Variants in ITFG1 observed in about 807,000 individuals in gnomAD.
The protein encoded by ITFG1 is T-cell immunomodulatory protein.
A neutral mutation model predicts 81.8 loss-of-function variants in ITFG1; 34 were observed. The ratio of observed to expected loss-of-function variants is 0.42; its 90% CI spans 0.32 to 0.55. ITFG1 has a LOEUF of 0.55. Ranked by LOEUF, ITFG1 falls within the 20% of genes least tolerant of loss-of-function variation. The probability of loss-of-function intolerance (pLI) is 0.17; values close to 1 mark genes in which losing one functional copy is unlikely to be tolerated. For synonymous variants in ITFG1, 285 were observed against 270.6 expected (o/e 1.05, Z -0.52); for missense variants, 672 against 755.4 (o/e 0.89, Z 1.29).
At chr16:47,392,746 C>T (rs1468882301) in intron 6 of ITFG1, among the ~76,000 whole-genome samples, 1 of 152,198 alleles carries the variant, frequency 6.6e-6, no homozygotes, top group East Asian at 1.9e-4. Context: ...TAACACAATG[C>T]TCTGTTGTAA....
At chr16:47,286,798 T>C (rs551053770) in intron 10 of ITFG1, among the ~76,000 whole-genome samples, 1 of 152,288 alleles carries the variant, frequency 6.6e-6, no homozygotes, top group African/African-American at 2.4e-5. Flanking sequence ...TGAGCTTTGA[T>C]ACATTATACA....
chr16:47,382,113 T>C (rs1446766435), intron 6 of ITFG1, among the ~76,000 whole-genome samples: 2 of 152,184 alleles, frequency 1.3e-5, no homozygotes, highest in Non-Finnish European at 2.9e-5. Context: ...ACTTTTGAAA[T>C]ACTGAAACTT....
At chr16:47,261,909 G>GTGATCTTCC (rs532674536) in intron 10 of ITFG1, among the ~76,000 whole-genome samples, 202 of 152,370 alleles carry the variant, frequency 1.3e-3, no homozygotes, top group African/African-American at 4.6e-3. Context: ...CTGAGCTCAA[G>GTGATCTTCC]TGATCTTCCT....
intron 6 of ITFG1, among the ~76,000 whole-genome samples, chr16:47,413,247 T>C (rs1011912801): frequency 6.6e-6 from 1 of 152,180 alleles, no homozygotes. Flanking sequence ...AATTTGATAT[T>C]CTGCCAAACA....
intron 8 of ITFG1, among the ~76,000 whole-genome samples, chr16:47,327,786 C>T (rs1385903688): frequency 1.3e-5 from 2 of 152,156 alleles, no homozygotes; most frequent in Admixed American, 1.3e-4. Flanking sequence ...TACCATCTCA[C>T]ACCAGTTAGA....
chr16:47,419,421 A>C (rs1968914578), intron 6 of ITFG1, among the ~76,000 whole-genome samples: 1 of 151,778 alleles, frequency 6.6e-6, no homozygotes, highest in African/African-American at 2.4e-5. Context: ...AGAGCATGCC[A>C]CCAAGTCCAG....
chr16:47,448,588 G>A (rs186464878), intron 5 of ITFG1: 1 of 148,548 alleles, frequency 6.7e-6, no homozygotes, highest in Non-Finnish European at 1.5e-5. Context: ...TTTGAACTCA[G>A]TACGTGAGTC....
chr16:47,336,871 A>G (rs1279891348), intron 8 of ITFG1, among the ~76,000 whole-genome samples: 1 of 151,258 alleles, frequency 6.6e-6, no homozygotes, highest in African/African-American at 2.4e-5. Context: ...GCTGAGGGAG[A>G]AGAATTGTCT....
At chr16:47,406,638 T>C (rs1329784751) in intron 6 of ITFG1, among the ~76,000 whole-genome samples, 1 of 152,106 alleles carries the variant, frequency 6.6e-6, no homozygotes, top group East Asian at 1.9e-4. Context: ...GAAGAAACAA[T>C]CTATGCCCTC....
chr16:47,424,363 G>A lies in ITFG1; in HGVS notation c.655+4441C>T, dbSNP rs184998164. On this transcript the variant is annotated intron_variant, in intron 6 of 17. Coordinates refer to ENST00000320640, the MANE Select transcript of ITFG1 (RefSeq NM_030790.5). ...TTTTCAAGGTTTTTAGCTTCCTTGC[G>A]ATGGGTTAGAACACACTCCTTTAGC... Among the ~76,000 whole-genome samples, 25 of 152,180 alleles carry A rather than the reference G, an allele frequency of 1.6e-4. No individual in the cohort carries two copies. The East Asian group carries it at 4.1e-3, about 25-fold the overall frequency.
chr16:47,435,505 C>T (rs1288614312), intron 5 of ITFG1, among the ~76,000 whole-genome samples: 3 of 152,332 alleles, frequency 2.0e-5, no homozygotes, highest in African/African-American at 7.2e-5. Context: ...TGGGCATCAT[C>T]ACCCTTAATC....
intron 6 of ITFG1, among the ~76,000 whole-genome samples, chr16:47,399,668 A>G (rs1056781971): frequency 1.3e-5 from 2 of 152,170 alleles, no homozygotes; most frequent in Non-Finnish European, 2.9e-5. Flanking sequence ...ATACACTTAT[A>G]AAGCATATTT....
intron 6 of ITFG1, among the ~76,000 whole-genome samples, chr16:47,409,261 G>T (rs1236815518): frequency 1.4e-5 from 2 of 146,896 alleles, no homozygotes; most frequent in Admixed American, 6.8e-5. Flanking sequence ...GAATCCTCAG[G>T]GTCATCAAAA....
intron 8 of ITFG1, among the ~76,000 whole-genome samples, chr16:47,336,820 G>A (rs754219793): frequency 1.3e-4 from 20 of 152,048 alleles, no homozygotes; most frequent in South Asian, 2.1e-4. Context: ...AAAATTAGCC[G>A]GGCATGGTGA....
At chr16:47,411,029 TTCAAG>T (rs1190487367) in intron 6 of ITFG1, among the ~76,000 whole-genome samples, 1 of 152,020 alleles carries the variant, frequency 6.6e-6, no homozygotes, top group Non-Finnish European at 1.5e-5. Context: ...CGCTGAGCAG[TTCAAG>T]TGCTTTGCTG....
intron 10 of ITFG1, among the ~76,000 whole-genome samples, chr16:47,274,232 G>C (rs1966374331): frequency 6.6e-6 from 1 of 152,004 alleles, no homozygotes. Flanking sequence ...ACTCCAGCCT[G>C]GGGGACAGAG....
intron 6 of ITFG1, among the ~76,000 whole-genome samples, chr16:47,427,186 C>T (rs1433523510): frequency 6.6e-6 from 1 of 152,164 alleles, no homozygotes; most frequent in Non-Finnish European, 1.5e-5. Context: ...ATTCATACCT[C>T]CTAACCATTA....
Position 47,314,647 on chromosome 16 carries a change from C to A in ITFG1, c.803-824G>T, listed in dbSNP as rs963250401. Among the ~76,000 whole-genome samples the A allele has an allele frequency of 1.1e-4, 16 of 152,260 alleles. 1 individual carries two copies. The highest frequency in any genetic ancestry group is 4.6e-4 in the Admixed American group (7 of 15,280). ...TAGTGCTCTCTCCCATCTAATGTCC[C>A]TGCTACCTGATGGGGTTTACAGATT... On this transcript the variant is annotated intron_variant, in intron 8 of 17. Transcript: ENST00000320640.
chr16:47,313,745 C>T lies in ITFG1; in HGVS notation c.881G>A (p.Arg294Lys). 6.3e-7 allele frequency: 1 copy of T among 1,588,882 alleles called. No homozygotes were observed. Among genetic ancestry groups the T allele is most frequent in the Non-Finnish European group, 8.6e-7 (1 of 1,161,368 alleles). Reference sequence around the variant, plus strand: ...TTGATATACCTGCTTCATCCCAGATCTCACTAAGTAGATGGTACTCTTTTG... The same window carrying T: ...TTGATATACCTGCTTCATCCCAGATTTCACTAAGTAGATGGTACTCTTTTG... ...NCQKSTIYLV[R>K]SGMKQWVPVL... is the part of the protein sequence containing the mutation. The change falls in exon 9 of 18, where the codon AGA becomes AAA. Residue 294 changes from arginine (R) to lysine (K), a missense_variant. Around this residue, in one of 3 missense-constraint regions of ITFG1, gnomAD observed 560 missense variants for 625.7 expected, o/e 0.90. Coordinates refer to ENST00000320640, the MANE Select transcript of ITFG1 (RefSeq NM_030790.5).
Sources: gnomAD v4.1 joint callset for allele counts (sites outside exome capture counted in the v4.1 genomes callset) on GRCh38, gnomAD v4.1.1 for gene constraint, gnomAD v4.1.1 regional missense constraint, MANE v1.5 for transcripts, NCBI Gene and HGNC (gene_info 2026-07-23, HGNC 2026-07-21) for gene names.